Variants in UHRF1 observed in about 807,000 individuals in gnomAD.
UHRF1 encodes E3 ubiquitin-protein ligase UHRF1.
In UHRF1, 9 loss-of-function variants were observed where a neutral mutation model predicts 96.5. The ratio of observed to expected loss-of-function variants is 0.09; its 90% CI spans 0.06 to 0.16. UHRF1 has a LOEUF of 0.16. Among genes scored for constraint, UHRF1 ranks in the 10% least tolerant of loss-of-function variants. The pLI, the probability that UHRF1 is intolerant of heterozygous loss-of-function variation, is 1.00. For synonymous variants in UHRF1, 455 were observed against 469.9 expected (o/e 0.97, Z 0.41); for missense variants, 626 against 1,131.1 (o/e 0.55, Z 6.40).
chr19:4,955,431 G>A (rs1416571989), intron 15 of UHRF1, among the ~76,000 whole-genome samples: 1 of 152,036 alleles, frequency 6.6e-6, no homozygotes, highest in African/African-American at 2.4e-5. Flanking sequence ...GGACCTCGGG[G>A]TGACATCAGG....
intron 2 of UHRF1, among the ~76,000 whole-genome samples, chr19:4,920,853 C>T (rs929524932): frequency 3.3e-5 from 5 of 152,192 alleles, no homozygotes; most frequent in East Asian, 1.9e-4. Context: ...GGGCCACGCG[C>T]GGTGGCTCAC....
intron 2 of UHRF1, among the ~76,000 whole-genome samples, chr19:4,922,836 C>T (rs2032744685): frequency 6.6e-6 from 1 of 152,214 alleles, no homozygotes; most frequent in South Asian, 2.1e-4. Flanking sequence ...CTGTCTACAT[C>T]ATTGTACTGG....
intron 2 of UHRF1, among the ~76,000 whole-genome samples, chr19:4,912,291 C>T (rs111436725): frequency 8.5e-5 from 13 of 152,200 alleles, no homozygotes; most frequent in African/African-American, 2.7e-4. Context: ...TCCTATGATG[C>T]GTGCTCCCTT....
At chr19:4,942,748 C>T (rs1053089106) in intron 7 of UHRF1, among the ~76,000 whole-genome samples, 3 of 152,086 alleles carry the variant, frequency 2.0e-5, no homozygotes, top group Non-Finnish European at 4.4e-5. Context: ...CCATGCCTGG[C>T]CTGGAGACCC....
intron 5 of UHRF1, among the ~76,000 whole-genome samples, chr19:4,934,417 A>C (rs932266856): frequency 3.9e-5 from 6 of 152,252 alleles, no homozygotes; most frequent in African/African-American, 1.2e-4. Context: ...CATCTCCAGC[A>C]CTTTGTCCTC....
chr19:4,944,510 C>T (rs929470421), intron 9 of UHRF1, 60 bp downstream of exon 9: 6 of 1,585,850 alleles, frequency 3.8e-6, no homozygotes, highest in Non-Finnish European at 5.2e-6. Flanking sequence ...TTTCTGGGGG[C>T]AGTTTCTCCT....
chr19:4,944,779 C>T (rs1328533846), intron 9 of UHRF1, among the ~76,000 whole-genome samples: 1 of 152,162 alleles, frequency 6.6e-6, no homozygotes, highest in African/African-American at 2.4e-5. Context: ...CAGCCCCTGC[C>T]TGTGACTGGG....
rs570229919 is a variant in UHRF1 at position 4,954,297 on chromosome 19, C to T, written c.1819-53C>T. 50 of 1,591,210 alleles carry T rather than the reference C, an allele frequency of 3.1e-5. No individual in the cohort carries two copies. Among genetic ancestry groups the T allele is most frequent in the East Asian group, 2.0e-4 (9 of 44,014 alleles). ...AAGGAGGCTGGAAGAGCGGGCTCTGCATAGCGTGTGGGCCCCAAGCCTGAC... is the reference window on the plus strand; with the variant it reads ...AAGGAGGCTGGAAGAGCGGGCTCTGTATAGCGTGTGGGCCCCAAGCCTGAC... On this transcript the variant is annotated intron_variant, in intron 13 of 16. Coordinates refer to ENST00000650932, the MANE Select transcript of UHRF1 (RefSeq NM_001048201.3). This position sits in a 1 kb window ranked among gnomAD's most constrained non-coding sequence, Gnocchi z 5.9.
At chr19:4,921,710 T>C (rs376392472) in intron 2 of UHRF1, among the ~76,000 whole-genome samples, 8 of 152,148 alleles carry the variant, frequency 5.3e-5, no homozygotes, top group Admixed American at 2.0e-4. Flanking sequence ...TGAGCCATGG[T>C]CGTGCCACTG....
intron 2 of UHRF1, among the ~76,000 whole-genome samples, chr19:4,924,623 A>C (rs142978159): frequency 6.6e-5 from 10 of 152,182 alleles, no homozygotes; most frequent in Non-Finnish European, 1.2e-4. Context: ...TTTCTAGAGC[A>C]GTTCTAGGTT....
rs146499544 is a variant in UHRF1 at position 4,959,073 on chromosome 19, C to T, written c.2236-1584C>T. Among the ~76,000 whole-genome samples, 1,009 of 151,682 alleles carry T rather than the reference C, an allele frequency of 6.7e-3. 10 individuals are homozygous for T. The highest frequency in any genetic ancestry group is 0.023 in the African/African-American group (947 of 41,136). On this transcript the variant is annotated intron_variant, in intron 16 of 16. Coordinates refer to ENST00000650932, the MANE Select transcript of UHRF1 (RefSeq NM_001048201.3). ...GCTCATCGCAGCCTTGAACTCCTCG[C>T]GGGGCTAAAGAGATCCTCCTGCCTT...
chr19:4,928,172 G>A (rs540753428), intron 2 of UHRF1, among the ~76,000 whole-genome samples: 1 of 151,880 alleles, frequency 6.6e-6, no homozygotes, highest in South Asian at 2.1e-4. Context: ...GGTGCTCCTG[G>A]CATGGAGTAG....
upstream of UHRF1, among the ~76,000 whole-genome samples, chr19:4,906,441 C>T (rs557201100): frequency 3.3e-4 from 51 of 152,314 alleles, no homozygotes; most frequent in South Asian, 4.8e-3. Flanking sequence ...GGCTGTGCCC[C>T]TCACCACGTG....
At chr19:4,949,012 ATAGTCCCAGC>A in intron 11 of UHRF1, among the ~76,000 whole-genome samples, 1 of 148,144 alleles carries the variant, frequency 6.8e-6, no homozygotes, top group African/African-American at 2.5e-5. Flanking sequence ...ACAAGTGCCT[ATAGTCCCAGC>A]TACTCGGGAG....
intron 2 of UHRF1, 61 bp from the exon 3 acceptor site, chr19:4,929,161 C>G: frequency 6.4e-7 from 1 of 1,566,048 alleles, no homozygotes; most frequent in Non-Finnish European, 8.7e-7. Context: ...ATCACTGGTG[C>G]CCACAGATGC....
At chr19:4,946,592 C>CT (rs1280721801) in intron 10 of UHRF1, among the ~76,000 whole-genome samples, 4 of 133,926 alleles carry the variant, frequency 3.0e-5, no homozygotes, top group Non-Finnish European at 4.9e-5. Flanking sequence ...TTTTTTTTTT[C>CT]TTTTTTTTGA....
chr19:4,944,052 G>A (rs577969332), intron 7 of UHRF1, 80 bp from the exon 8 acceptor site: 38 of 1,578,990 alleles, frequency 2.4e-5, no homozygotes, highest in Admixed American at 7.2e-5. Flanking sequence ...AGCCATGTCC[G>A]TGGTGTGTGG....
In UHRF1 at chr19:4,932,908, A is replaced by G. The variant is rs2033100960; in HGVS notation, c.737A>G (p.Lys246Arg). The G allele has an allele frequency of 5.6e-6, 9 of 1,613,736 alleles. No individual in the cohort carries two copies. The highest frequency in any genetic ancestry group is 7.6e-6 in the Non-Finnish European group (9 of 1,179,850). The change falls in exon 5 of 17, where the codon AAG (lysine) becomes AGG (arginine). Residue 246 changes from lysine (K) to arginine (R), a missense_variant. Coordinates refer to ENST00000650932, the MANE Select transcript of UHRF1 (RefSeq NM_001048201.3). ...GFWYDAEISR[K>R]RETRTARELY... ...TGGTACGACGCGGAGATCTCCAGGA[A>G]GCGCGAGACCAGGACGGCGCGGGAA... is the stretch of plus-strand genomic sequence containing the variant.
rs572714107 is a variant in UHRF1 at position 4,933,857 on chromosome 19, A to G, written c.785+901A>G. On this transcript the variant is annotated intron_variant, in intron 5 of 16. Transcript: ENST00000650932. ...TTGTGTTATAAGAGCAGAGTTGTGT[A>G]GTTGCAACAGAGACTATGCGGCCTA... 9.2e-5 allele frequency among the ~76,000 whole-genome samples: 14 copies of G among 152,126 alleles called. No individual in the cohort carries two copies. In the South Asian group the frequency reaches 1.7e-3, roughly 18 times the overall value.
Sources: allele counts gnomAD v4.1 joint callset (sites outside exome capture counted in the v4.1 genomes callset), GRCh38; gene constraint gnomAD v4.1.1; non-coding constraint Gnocchi (gnomAD v3.1); transcripts MANE v1.5; gene names NCBI Gene and HGNC (gene_info 2026-07-23, HGNC 2026-07-21).